Variants in PTPRG observed in about 807,000 individuals in gnomAD.
The protein encoded by PTPRG is receptor-type tyrosine-protein phosphatase gamma.
In PTPRG, 102 loss-of-function variants were observed where a neutral mutation model predicts 165.3. That is an observed-to-expected ratio of 0.62 (90% CI 0.53 to 0.73). PTPRG has a LOEUF of 0.73. Ranked by LOEUF, PTPRG falls within the 30% of genes least tolerant of loss-of-function variation. PTPRG has a pLI of 0.00. For synonymous variants in PTPRG, 675 were observed against 669.5 expected (o/e 1.01, Z -0.13); for missense variants, 1,866 against 1,861.4 (o/e 1.00, Z -0.05).
At chr3:61,615,095 C>T (rs1285808803) in intron 1 of PTPRG, among the ~76,000 whole-genome samples, 2 of 152,240 alleles carry the variant, frequency 1.3e-5, no homozygotes, top group Admixed American at 6.5e-5. Context: ...ACCCTGTCCC[C>T]TCTGGACACT....
At chr3:61,692,184 T>A (rs1351929711) in intron 1 of PTPRG, among the ~76,000 whole-genome samples, 1 of 152,244 alleles carries the variant, frequency 6.6e-6, no homozygotes, top group East Asian at 1.9e-4. Context: ...ATGAAGAGTT[T>A]TATGTTGCAC....
intron 7 of PTPRG, among the ~76,000 whole-genome samples, chr3:62,164,199 C>G (rs761344730): frequency 1.3e-5 from 2 of 152,160 alleles, no homozygotes; most frequent in Admixed American, 6.5e-5. Flanking sequence ...GGGACACTTT[C>G]TCATGGTGGG....
chr3:61,731,189 G>A (rs1484082222), intron 1 of PTPRG, among the ~76,000 whole-genome samples: 1 of 151,976 alleles, frequency 6.6e-6, no homozygotes, highest in East Asian at 1.9e-4. Context: ...CTCTTGAATA[G>A]AAAAAAGGAA....
At chr3:62,111,567 T>C (rs777554911) in intron 5 of PTPRG, among the ~76,000 whole-genome samples, 11 of 152,150 alleles carry the variant, frequency 7.2e-5, no homozygotes, top group African/African-American at 1.2e-4. Flanking sequence ...TCTCTCATCT[T>C]AGCCTCCAAG....
intron 1 of PTPRG, among the ~76,000 whole-genome samples, chr3:61,596,779 TTTATTA>T (rs10586288): frequency 2.0e-5 from 3 of 151,296 alleles, no homozygotes; most frequent in Non-Finnish European, 2.9e-5. Context: ...TCTCAATTAG[TTTATTA>T]TTATTATTAT....
chr3:62,040,122 A>T (rs752306742), intron 4 of PTPRG, among the ~76,000 whole-genome samples: 1 of 152,216 alleles, frequency 6.6e-6, no homozygotes, highest in Non-Finnish European at 1.5e-5. Flanking sequence ...AAAATATAGC[A>T]TGAGCGTTGC....
At chr3:62,281,540 T>TTTTTTTTTTTTTTTTTTTTTTTTTTG in intron 26 of PTPRG, 23 bp from the exon 27 acceptor site, 1 of 1,227,050 alleles carries the variant, frequency 8.1e-7, no homozygotes, top group Non-Finnish European at 1.1e-6. Context: ...TGCAGAGGCT[T>TTTTTTTTTTTTTTTTTTTTTTTTTTG]TTTTTTTTTT....
At chr3:61,604,504 C>T in intron 1 of PTPRG, among the ~76,000 whole-genome samples, 1 of 152,156 alleles carries the variant, frequency 6.6e-6, no homozygotes, top group East Asian at 1.9e-4. Flanking sequence ...TGTCTAAGAA[C>T]TTTAGTGGCT....
rs1006354367 is a variant in PTPRG, at chr3:61,562,172, C to T, written c.-116C>T. 6 of 903,370 alleles carry T rather than the reference C, an allele frequency of 6.6e-6. No individual in the cohort carries two copies. The highest frequency in any genetic ancestry group is 2.5e-5 in the East Asian group (1 of 40,164). The allele number at this position is 903,370 out of a possible 1,614,324, so 56.0% of individuals were successfully genotyped here. ...CTCGGGCCGCCGAGCGCGGGGGGCC[C>T]GTGGAGCGGGCGAGCCGGGGAAGCG... On this transcript the variant is annotated 5_prime_UTR_variant, in exon 1 of 30. Coordinates refer to ENST00000474889, the MANE Select transcript of PTPRG (RefSeq NM_002841.4).
chr3:61,877,145 A>G (rs1242308731), intron 2 of PTPRG, among the ~76,000 whole-genome samples: 3 of 152,222 alleles, frequency 2.0e-5, no homozygotes, highest in African/African-American at 7.2e-5. Context: ...GGGTCTAAAT[A>G]TAAGAATATT....
chr3:61,870,068 G>A (rs2037523194), intron 2 of PTPRG, among the ~76,000 whole-genome samples: 1 of 152,084 alleles, frequency 6.6e-6, no homozygotes, highest in Non-Finnish European at 1.5e-5. Flanking sequence ...TCACCTCCCA[G>A]TACCATCACC....
Position 62,293,403 on chromosome 3 carries a change from A to G in PTPRG, c.*96A>G. On this transcript the variant is annotated 3_prime_UTR_variant, in exon 30 of 30. Coordinates refer to ENST00000474889, the MANE Select transcript of PTPRG (RefSeq NM_002841.4). ...CAGACTCTAGGTTATACAATAACCC[A>G]GTTACTTTTTTACACTGATAAAAGT... is the stretch of plus-strand genomic sequence containing the variant. The G allele has an allele frequency of 1.7e-6, 2 of 1,157,872 alleles. No individual in the cohort carries two copies. The highest frequency in any genetic ancestry group is 2.3e-6 in the Non-Finnish European group (2 of 852,404). The allele number at this position is 1,157,872 out of a possible 1,614,324, so 71.7% of individuals were successfully genotyped here. A position where few individuals can be genotyped will look rare whatever the true frequency, so the allele number is the denominator to read the frequency against.
chr3:62,123,249 T>C (rs1029111005), intron 5 of PTPRG, among the ~76,000 whole-genome samples: 3 of 152,200 alleles, frequency 2.0e-5, no homozygotes, highest in Non-Finnish European at 4.4e-5. Flanking sequence ...GCTATTTGAC[T>C]GAGGAGCTTA....
intron 4 of PTPRG, among the ~76,000 whole-genome samples, chr3:62,034,149 C>T (rs1042521017): frequency 2.6e-5 from 4 of 152,216 alleles, no homozygotes; most frequent in African/African-American, 4.8e-5. Context: ...CCAAAATGCT[C>T]ACATACTCAA....
chr3:61,840,859 C>T (rs1284081529), intron 2 of PTPRG, among the ~76,000 whole-genome samples: 4 of 147,598 alleles, frequency 2.7e-5, no homozygotes, highest in South Asian at 2.2e-4. Context: ...TCTCTGCTCA[C>T]TGCAACCTCC....
chr3:62,278,229 A>C (rs1017454548), intron 26 of PTPRG, among the ~76,000 whole-genome samples: 1 of 152,012 alleles, frequency 6.6e-6, no homozygotes, highest in Admixed American at 6.6e-5. Flanking sequence ...TTATATAATC[A>C]TTTTACTGTA....
intron 2 of PTPRG, among the ~76,000 whole-genome samples, chr3:61,912,733 A>G (rs956632631): frequency 6.6e-6 from 1 of 152,174 alleles, no homozygotes; most frequent in African/African-American, 2.4e-5. Context: ...TTTATTCTCC[A>G]TGCAGTTAGG....
At chr3:61,762,627 T>C (rs1296386416) in intron 2 of PTPRG, among the ~76,000 whole-genome samples, 1 of 152,122 alleles carries the variant, frequency 6.6e-6, no homozygotes, top group Non-Finnish European at 1.5e-5. Context: ...GACGTATGAG[T>C]ACACCATAGC....
At chr3:61,753,584 G>GTTTTTTTT in intron 2 of PTPRG, 1 of 350,942 alleles carries the variant, frequency 2.8e-6, no homozygotes, top group South Asian at 1.8e-5. Flanking sequence ...GAAATTTGAG[G>GTTTTTTTT]GTTTTTTTTT....
Sources: allele counts gnomAD v4.1 joint callset (sites outside exome capture counted in the v4.1 genomes callset), GRCh38; gene constraint gnomAD v4.1.1; transcripts MANE v1.5; gene names NCBI Gene and HGNC (gene_info 2026-07-23, HGNC 2026-07-21).